NALF1: variants seen among roughly 807,000 people sequenced by gnomAD.
NALF1 encodes NALCN channel auxiliary factor 1, also known as family with sequence similarity 155 member A.
Under a neutral mutation model 48.4 loss-of-function variants are expected in NALF1, and 3 were observed. The ratio of observed to expected loss-of-function variants is 0.06; its 90% CI spans 0.03 to 0.16. The LOEUF (loss-of-function observed/expected upper bound fraction) is 0.16, where lower values mean the gene tolerates loss of function less well. Among genes scored for constraint, NALF1 ranks in the 10% least tolerant of loss-of-function variants. The pLI is 1.00. For missense variants in NALF1, 526 were observed against 571.5 expected (o/e 0.92, Z 0.81); for synonymous variants, 262 against 245.7 (o/e 1.07, Z -0.62).
intron 1 of NALF1, among the ~76,000 whole-genome samples, chr13:107,445,129 G>A (rs1221138222): frequency 6.6e-6 from 1 of 152,132 alleles, no homozygotes; most frequent in Non-Finnish European, 1.5e-5. Context: ...ATATGCATGT[G>A]TGTGTGTGTA....
chr13:107,737,948 C>T (rs1594236846), intron 1 of NALF1, among the ~76,000 whole-genome samples: 1 of 152,122 alleles, frequency 6.6e-6, no homozygotes, highest in Non-Finnish European at 1.5e-5. Flanking sequence ...TTGGAAAACA[C>T]ATATTTTTTT....
At chr13:107,391,284 G>A (rs1418602997) in intron 1 of NALF1, among the ~76,000 whole-genome samples, 2 of 152,000 alleles carry the variant, frequency 1.3e-5, no homozygotes, top group Non-Finnish European at 2.9e-5. Flanking sequence ...AGGGGTCTAG[G>A]GAGTAATGCC....
intron 1 of NALF1, among the ~76,000 whole-genome samples, chr13:107,355,567 T>G (rs1008950899): frequency 7.9e-5 from 12 of 152,110 alleles, no homozygotes; most frequent in African/African-American, 2.2e-4. Context: ...TGGATCAGGC[T>G]TCCCCCTTGC....
intron 1 of NALF1, among the ~76,000 whole-genome samples, chr13:107,380,934 T>C (rs1044854894): frequency 3.5e-5 from 5 of 142,058 alleles, no homozygotes; most frequent in Admixed American, 2.2e-4. Flanking sequence ...GCAGAGATCG[T>C]GCCACTGCAC....
intron 1 of NALF1, among the ~76,000 whole-genome samples, chr13:107,392,155 C>A (rs1883637390): frequency 6.6e-6 from 1 of 152,080 alleles, no homozygotes. Context: ...CCCTTTGTTG[C>A]TGACCTCTAG....
At chr13:107,271,814 A>ATATTTATT (rs1555329806) in intron 1 of NALF1, among the ~76,000 whole-genome samples, 1,348 of 102,032 alleles carry the variant, frequency 0.013, 24 homozygotes, top group East Asian at 0.024. Flanking sequence ...ATATATATAT[A>ATATTTATT]TATTTATATA....
intron 1 of NALF1, among the ~76,000 whole-genome samples, chr13:107,611,230 G>A (rs920271911): frequency 1.3e-5 from 2 of 152,214 alleles, no homozygotes; most frequent in South Asian, 2.1e-4. Flanking sequence ...AGCTTGAAAC[G>A]GAGTCCTCTG....
intron 1 of NALF1, among the ~76,000 whole-genome samples, chr13:107,843,627 C>T (rs781523360): frequency 6.6e-6 from 1 of 152,066 alleles, no homozygotes; most frequent in African/African-American, 2.4e-5. Context: ...GGGAGATGAA[C>T]CTAATCACTC....
At chr13:107,548,779 T>A (rs1877207200) in intron 1 of NALF1, among the ~76,000 whole-genome samples, 1 of 152,060 alleles carries the variant, frequency 6.6e-6, no homozygotes, top group African/African-American at 2.4e-5. Flanking sequence ...TTGTAGCCTG[T>A]GAACTTGTAG....
intron 1 of NALF1, chr13:107,465,873 T>C (rs1282225862): frequency 3.9e-5 from 6 of 152,292 alleles, no homozygotes; most frequent in Non-Finnish European, 7.3e-5. Flanking sequence ...TGAGCAAGTT[T>C]CCTCAAGCCT....
At chr13:107,284,396 A>G (rs557591593) in intron 1 of NALF1, among the ~76,000 whole-genome samples, 1 of 152,354 alleles carries the variant, frequency 6.6e-6, no homozygotes, top group South Asian at 2.1e-4. Flanking sequence ...ATCCATGAGG[A>G]AGAAAGGAAC....
intron 1 of NALF1, among the ~76,000 whole-genome samples, chr13:107,317,585 A>T (rs1307986122): frequency 6.6e-6 from 1 of 152,102 alleles, no homozygotes; most frequent in Non-Finnish European, 1.5e-5. Context: ...AGTAAGAAAC[A>T]TGCAAAACAG....
At chr13:107,797,001 C>T (rs1274616826) in intron 1 of NALF1, among the ~76,000 whole-genome samples, 1 of 152,126 alleles carries the variant, frequency 6.6e-6, no homozygotes, top group East Asian at 1.9e-4. Context: ...CAAATGCATG[C>T]CCTTCACAAC....
intron 2 of NALF1, 138 bp from the exon 3 acceptor site, chr13:107,170,924 A>G: frequency 1.4e-6 from 1 of 729,402 alleles, no homozygotes; most frequent in Non-Finnish European, 2.2e-6. Context: ...AATCAAGTCA[A>G]TGCAATTGGA....
chr13:107,265,412 T>C (rs1013468504), intron 1 of NALF1, among the ~76,000 whole-genome samples: 3 of 152,186 alleles, frequency 2.0e-5, no homozygotes, highest in Admixed American at 6.5e-5. Flanking sequence ...TGCTGTAGAC[T>C]TTATTTTTTA....
chr13:107,556,575 CCT>C (rs1877489879), intron 1 of NALF1, among the ~76,000 whole-genome samples: 1 of 151,884 alleles, frequency 6.6e-6, no homozygotes, highest in Non-Finnish European at 1.5e-5. Context: ...CACTGCAACC[CCT>C]GTGTCCCAGG....
chr13:107,221,098 G>T (rs1879982457), intron 1 of NALF1, among the ~76,000 whole-genome samples: 1 of 151,976 alleles, frequency 6.6e-6, no homozygotes, highest in Non-Finnish European at 1.5e-5. Flanking sequence ...AGGTACACAG[G>T]GTGATACAAC....
In NALF1 at chr13:107,400,616, G is replaced by C. The variant is rs148128802; in HGVS notation, c.916-189861C>G. ...TAATCCCAGCTATTCAGGAGGCTGAGGCAGGAGAATCAGGGAGTCAGAGGT... is the reference window on the plus strand; with the variant it reads ...TAATCCCAGCTATTCAGGAGGCTGACGCAGGAGAATCAGGGAGTCAGAGGT... On this transcript the variant is annotated intron_variant, in intron 1 of 2. Coordinates refer to ENST00000375915, the MANE Select transcript of NALF1 (RefSeq NM_001080396.3). Among the ~76,000 whole-genome samples, 584 of 152,194 alleles carry C rather than the reference G, an allele frequency of 3.8e-3. 3 individuals carry two copies. Among genetic ancestry groups the C allele is most frequent in the South Asian group, 0.017 (82 of 4,810 alleles).
At chr13:107,280,627 A>T (rs1240720075) in intron 1 of NALF1, among the ~76,000 whole-genome samples, 1 of 152,184 alleles carries the variant, frequency 6.6e-6, no homozygotes, top group Non-Finnish European at 1.5e-5. Flanking sequence ...TTAGCATAAA[A>T]TTTTTCCCAA....
Sources: gnomAD v4.1 joint callset for allele counts (sites outside exome capture counted in the v4.1 genomes callset) on GRCh38, gnomAD v4.1.1 for gene constraint, MANE v1.5 for transcripts, NCBI Gene and HGNC (gene_info 2026-07-23, HGNC 2026-07-21) for gene names.